Variants in ATXN7L1 observed in about 807,000 individuals in gnomAD.
The protein encoded by ATXN7L1 is ataxin-7-like protein 1.
In ATXN7L1, 15 loss-of-function variants were observed where a neutral mutation model predicts 70.8. The observed-to-expected ratio is 0.21, with a 90% CI of 0.14 to 0.33. ATXN7L1 has a LOEUF of 0.33. Among genes scored for constraint, ATXN7L1 ranks in the 10% least tolerant of loss-of-function variants. The pLI is 1.00. For missense variants in ATXN7L1, 975 were observed against 1,097.1 expected, an observed-to-expected ratio of 0.89 and a Z score of 1.57; for synonymous variants, 440 against 445.1, an observed-to-expected ratio of 0.99 and a Z score of 0.14.
chr7:105,813,335 ATT>A (rs3036751), intron 2 of ATXN7L1, among the ~76,000 whole-genome samples: 5 of 128,874 alleles, frequency 3.9e-5, no homozygotes, highest in Non-Finnish European at 4.8e-5. Flanking sequence ...ACAATCTACA[ATT>A]TTTTTTTTTT....
intron 3 of ATXN7L1, among the ~76,000 whole-genome samples, chr7:105,704,799 T>C (rs1203136053): frequency 3.3e-5 from 5 of 151,644 alleles, no homozygotes; most frequent in East Asian, 1.9e-4. Context: ...TTAGTAGAGA[T>C]GGCGTTTCAC....
At chr7:105,657,440 C>G (rs1030886965) in intron 4 of ATXN7L1, among the ~76,000 whole-genome samples, 5 of 151,978 alleles carry the variant, frequency 3.3e-5, no homozygotes, top group Non-Finnish European at 5.9e-5. Context: ...GGGCCAGGCA[C>G]TGTGGCTCAC....
intron 7 of ATXN7L1, among the ~76,000 whole-genome samples, chr7:105,627,149 C>T (rs771412603): frequency 4.6e-5 from 7 of 152,246 alleles, no homozygotes; most frequent in Middle Eastern, 3.4e-3. Context: ...CCTTATCCTG[C>T]AGGAGATAGA....
At chr7:105,805,092 G>T (rs893104618) in intron 2 of ATXN7L1, among the ~76,000 whole-genome samples, 1 of 152,192 alleles carries the variant, frequency 6.6e-6, no homozygotes, top group Non-Finnish European at 1.5e-5. Context: ...TTAAAACAAC[G>T]AACGAGCCGG....
At chr7:105,835,858 T>G (rs905867304) in intron 2 of ATXN7L1, among the ~76,000 whole-genome samples, 1 of 152,132 alleles carries the variant, frequency 6.6e-6, no homozygotes, top group African/African-American at 2.4e-5. Context: ...AAAGAAACTT[T>G]CTTGGGAAGT....
In ATXN7L1 at chr7:105,725,542, T is replaced by C. The variant is rs148466201; in HGVS notation, c.356-60254A>G. On this transcript the variant is annotated intron_variant, in intron 3 of 11. Transcript: ENST00000419735. ...CTTTGTGAGGAATCTGCTCTCCAAATGGGAAGCACATACATTGCGAGCAAC... is the reference window on the plus strand; with the variant it reads ...CTTTGTGAGGAATCTGCTCTCCAAACGGGAAGCACATACATTGCGAGCAAC... Among the ~76,000 whole-genome samples the C allele has an allele frequency of 5.3e-5, 8 of 151,984 alleles. No homozygotes were observed. In the East Asian group the frequency reaches 1.5e-3, roughly 29 times the overall value.
In ATXN7L1 at chr7:105,739,184, C is replaced by T. The variant is rs187086972; in HGVS notation, c.355+49420G>A. Among the ~76,000 whole-genome samples, 303 of 152,272 alleles carry T rather than the reference C, an allele frequency of 2.0e-3. 1 individual carries two copies. The highest frequency in any genetic ancestry group is 7.0e-3 in the African/African-American group (291 of 41,548). On this transcript the variant is annotated intron_variant, in intron 3 of 11. Coordinates refer to ENST00000419735, the MANE Select transcript of ATXN7L1 (RefSeq NM_020725.2). Reference sequence around the variant, plus strand: ...AAGGCCTTGCTACAGAAAGCGTGGTCCCTGGACAAGCAACAGCATCAATGG... The same window carrying T: ...AAGGCCTTGCTACAGAAAGCGTGGTTCCTGGACAAGCAACAGCATCAATGG...
chr7:105,719,076 T>C (rs1794896587), intron 3 of ATXN7L1, among the ~76,000 whole-genome samples: 1 of 152,188 alleles, frequency 6.6e-6, no homozygotes, highest in African/African-American at 2.4e-5. Context: ...CCTCACAGAC[T>C]GTACCTATTA....
At chr7:105,719,565 C>T (rs1794947128) in intron 3 of ATXN7L1, among the ~76,000 whole-genome samples, 1 of 152,172 alleles carries the variant, frequency 6.6e-6, no homozygotes, top group African/African-American at 2.4e-5. Context: ...ACATATCCCA[C>T]AGCTTCCTCC....
intron 3 of ATXN7L1, among the ~76,000 whole-genome samples, chr7:105,727,777 T>TATATACACACACACAC (rs1462125950): frequency 3.3e-5 from 3 of 90,196 alleles, no homozygotes; most frequent in African/African-American, 1.8e-4. Flanking sequence ...TATATATATA[T>TATATACACACACACAC]ACACACACAT....
chr7:105,664,519 TAC>T (rs1356336861), intron 4 of ATXN7L1, among the ~76,000 whole-genome samples: 4 of 144,886 alleles, frequency 2.8e-5, no homozygotes, highest in Admixed American at 7.0e-5. Context: ...AATATATATA[TAC>T]ATATGTATAA....
At chr7:105,757,697 C>T (rs1279527722) in intron 3 of ATXN7L1, among the ~76,000 whole-genome samples, 1 of 151,470 alleles carries the variant, frequency 6.6e-6, no homozygotes, top group Non-Finnish European at 1.5e-5. Flanking sequence ...ATCCTCCCAC[C>T]TCAGCCCCCT....
intron 3 of ATXN7L1, among the ~76,000 whole-genome samples, chr7:105,738,345 C>T (rs1039557180): frequency 6.6e-6 from 1 of 152,174 alleles, no homozygotes; most frequent in Non-Finnish European, 1.5e-5. Flanking sequence ...GCCCATGTTG[C>T]TCCCACCACC....
At chr7:105,732,274 G>C (rs560958859) in intron 3 of ATXN7L1, among the ~76,000 whole-genome samples, 3 of 152,064 alleles carry the variant, frequency 2.0e-5, no homozygotes, top group Non-Finnish European at 2.9e-5. Flanking sequence ...TTCGCTGGGC[G>C]TGGTGGTGCG....
chr7:105,839,361 A>G (rs1394613002), intron 2 of ATXN7L1, among the ~76,000 whole-genome samples: 3 of 152,154 alleles, frequency 2.0e-5, no homozygotes, highest in African/African-American at 7.2e-5. Flanking sequence ...TGGGCTTTCC[A>G]TGTCTCAGCC....
chr7:105,694,093 G>A (rs1403731393), intron 3 of ATXN7L1, among the ~76,000 whole-genome samples: 1 of 151,244 alleles, frequency 6.6e-6, no homozygotes, highest in Non-Finnish European at 1.5e-5. Flanking sequence ...TGTTGCCTAG[G>A]CTGGAGTGCA....
At chr7:105,687,007 C>T (rs984874314) in intron 3 of ATXN7L1, among the ~76,000 whole-genome samples, 1 of 152,174 alleles carries the variant, frequency 6.6e-6, no homozygotes, top group African/African-American at 2.4e-5. Context: ...TCAACCTACC[C>T]CTAATAAGAG....
intron 2 of ATXN7L1, among the ~76,000 whole-genome samples, chr7:105,854,545 A>G (rs115978539): frequency 7.6e-6 from 1 of 131,822 alleles, no homozygotes; most frequent in Non-Finnish European, 1.7e-5. Flanking sequence ...AAAAAAAAAC[A>G]CAAAACACAA....
chr7:105,756,253 T>TA (rs1298139438), intron 3 of ATXN7L1, among the ~76,000 whole-genome samples: 1 of 148,276 alleles, frequency 6.7e-6, no homozygotes, highest in Non-Finnish European at 1.5e-5. Flanking sequence ...ATCACCCATT[T>TA]AAAAAAACTC....
Sources: gnomAD v4.1 joint callset for allele counts (sites outside exome capture counted in the v4.1 genomes callset) on GRCh38, gnomAD v4.1.1 for gene constraint, MANE v1.5 for transcripts, NCBI Gene and HGNC (gene_info 2026-07-23, HGNC 2026-07-21) for gene names.